The following LSP1 variants were observed in gnomAD, a reference collection of about 807,000 sequenced individuals.
LSP1 encodes the protein lymphocyte specific protein 1.
LSP1 carries 32 observed loss-of-function variants against 49.3 expected under a neutral mutation model. That is an observed-to-expected ratio of 0.65 (90% CI 0.49 to 0.87). The LOEUF is 0.87. Ranked by LOEUF, LSP1 falls within the 40% of genes least tolerant of loss-of-function variation. The pLI, the probability that LSP1 is intolerant of heterozygous loss-of-function variation, is 0.00. For synonymous variants in LSP1, 179 were observed against 178.8 expected (o/e 1.00, Z -0.01); for missense variants, 428 against 442.6 (o/e 0.97, Z 0.30).
chr11:1,884,164 C>T lies in LSP1; in HGVS notation c.592-116C>T, dbSNP rs1212544039. 47 of 1,450,536 alleles carry T rather than the reference C, an allele frequency of 3.2e-5. No homozygotes were observed. Among genetic ancestry groups the T allele is most frequent in the South Asian group, 5.8e-5 (5 of 86,764 alleles). 89.9% of individuals were successfully genotyped at this position (1,450,536 alleles called of 1,614,324 possible). ...TATCCCCCCATTGCCCGGTGCTCAG[C>T]GAACCCCCATGATATAAGGGTTGGG... On this transcript the variant is annotated intron_variant, in intron 5 of 10. Coordinates refer to ENST00000311604, the MANE Select transcript of LSP1 (RefSeq NM_002339.3). This position sits in a 1 kb window ranked among gnomAD's most constrained non-coding sequence, Gnocchi z 4.1.
intron 1 of LSP1, chr11:1,865,077 AG>A (rs1847742341): frequency 1.5e-5 from 6 of 406,660 alleles, no homozygotes; most frequent in African/African-American, 2.2e-5. Flanking sequence ...AGCTGGGCAC[AG>A]GGGGGCAGGG....
rs79692906 is a variant in LSP1, at chr11:1,857,823, C to T, written c.53+4626C>T. Among the ~76,000 whole-genome samples, 834 of 152,258 alleles carry T rather than the reference C, an allele frequency of 5.5e-3. 9 individuals are homozygous for T. Among genetic ancestry groups the T allele is most frequent in the African/African-American group, 0.019 (803 of 41,524 alleles). On this transcript the variant is annotated intron_variant, in intron 1 of 10. Coordinates refer to ENST00000311604, the MANE Select transcript of LSP1 (RefSeq NM_002339.3). ...AGACTGTAGTGCAGTGACACAATCT[C>T]GGCTCACTGGAACCTCCGCCCTCCA...
Position 1,881,426 on chromosome 11 carries a change from C to T in LSP1, c.192-6C>T, listed in dbSNP as rs759645267. ...CCAGGCCTAAGCTCCCCCCTGCTAC[C>T]CTCAGCCTCAGCCTGAAGCCCTCGG... is the stretch of plus-strand genomic sequence containing the variant. On this transcript the variant is annotated splice_polypyrimidine_tract_variant and splice_region_variant and intron_variant, in intron 2 of 10. Transcript: ENST00000311604. 73 of 1,564,136 alleles carry T rather than the reference C, an allele frequency of 4.7e-5. No homozygotes were observed. The highest frequency in any genetic ancestry group is 6.2e-5 in the Non-Finnish European group (71 of 1,153,888).
chr11:1,869,814 T>G (rs968248815), intron 1 of LSP1: 2 of 468,396 alleles, frequency 4.3e-6, no homozygotes, highest in Non-Finnish European at 4.4e-6. Context: ...GGGGGCTGGT[T>G]TTCCCCGAGA....
intron 1 of LSP1, among the ~76,000 whole-genome samples, chr11:1,879,275 G>T (rs1355555393): frequency 6.6e-6 from 1 of 152,186 alleles, no homozygotes; most frequent in Non-Finnish European, 1.5e-5. Context: ...AACCCAGGAG[G>T]CGGAGGTTGT....
intron 1 of LSP1, among the ~76,000 whole-genome samples, chr11:1,854,972 A>G (rs1847452106): frequency 6.6e-6 from 1 of 152,030 alleles, no homozygotes; most frequent in Non-Finnish European, 1.5e-5. Flanking sequence ...TGGCCAAGGC[A>G]CAGATGATCC....
chr11:1,874,170 G>A (rs1165631714), intron 1 of LSP1, among the ~76,000 whole-genome samples: 1 of 96,870 alleles, frequency 1.0e-5, no homozygotes, highest in Non-Finnish European at 2.2e-5. Flanking sequence ...GGGACAGTGG[G>A]AGCAGTGTCG....
Position 1,887,680 on chromosome 11 carries a change from A to G in LSP1, c.*13+104A>G, listed in dbSNP as rs113790154. 30 of 849,814 alleles carry G rather than the reference A, an allele frequency of 3.5e-5. 1 individual carries two copies. Among genetic ancestry groups the G allele is most frequent in the African/African-American group, 5.1e-5 (3 of 59,068 alleles). The allele number at this position is 849,814 out of a possible 1,614,324, so 52.6% of individuals were successfully genotyped here. On this transcript the variant is annotated intron_variant, in intron 10 of 10. Coordinates refer to ENST00000311604, the MANE Select transcript of LSP1 (RefSeq NM_002339.3). Reference sequence around the variant, plus strand: ...GCCTGGAGCCCTGTTGCAGGCTACAAGGGTGGACTCCGAGTTGGCCAGAAC... The same window carrying G: ...GCCTGGAGCCCTGTTGCAGGCTACAGGGGTGGACTCCGAGTTGGCCAGAAC...
chr11:1,871,123 G>A lies in LSP1; in HGVS notation c.54-8964G>A, dbSNP rs576898029. 18 of 985,552 alleles carry A rather than the reference G, an allele frequency of 1.8e-5. No homozygotes were observed. In the South Asian group the frequency reaches 1.9e-4, roughly 10 times the overall value. 61.1% of individuals were successfully genotyped at this position (985,552 alleles called of 1,614,324 possible). On this transcript the variant is annotated intron_variant, in intron 1 of 10. Transcript: ENST00000311604. ...CCAGAAAGGTCCCGCAGGTCGCCTC[G>A]CTCGTGGCACGGGCTCGGCAGCGTT...
intron 10 of LSP1, chr11:1,889,339 G>A (rs778750522): frequency 2.4e-5 from 17 of 710,924 alleles, no homozygotes; most frequent in Admixed American, 1.0e-4. Flanking sequence ...CCTGCCAGGC[G>A]CCCTTGGGCC....
chr11:1,867,256 G>A (rs190678795), intron 1 of LSP1, among the ~76,000 whole-genome samples: 155 of 152,244 alleles, frequency 1.0e-3, no homozygotes, highest in African/African-American at 3.6e-3. Context: ...CCACCAAGGT[G>A]AGCTACATGA....
intron 7 of LSP1, among the ~76,000 whole-genome samples, chr11:1,886,188 C>T (rs1409911909): frequency 1.6e-4 from 24 of 151,996 alleles, no homozygotes; most frequent in Non-Finnish European, 5.9e-5. Flanking sequence ...ATCCAATCAA[C>T]GTCGTTGCAT....
intron 1 of LSP1, among the ~76,000 whole-genome samples, chr11:1,878,628 A>T (rs936988106): frequency 6.6e-6 from 1 of 152,084 alleles, no homozygotes; most frequent in African/African-American, 2.4e-5. Flanking sequence ...AGATTAGATC[A>T]CGCGCTGGCA....
chr11:1,889,315 C>T (rs1589835091), intron 10 of LSP1: 1 of 707,670 alleles, frequency 1.4e-6, no homozygotes. Flanking sequence ...GGGGTGTGCT[C>T]CCCACCGCTG....
intron 1 of LSP1, among the ~76,000 whole-genome samples, chr11:1,853,613 C>T (rs548037620): frequency 2.0e-5 from 3 of 152,260 alleles, no homozygotes; most frequent in African/African-American, 7.2e-5. Context: ...CTGGCCCGGG[C>T]CTGGCCACCT....
intron 3 of LSP1, 63 bp from the exon 4 acceptor site, chr11:1,883,356 G>GGAA: frequency 1.3e-6 from 2 of 1,582,382 alleles, no homozygotes; most frequent in Non-Finnish European, 1.7e-6. Flanking sequence ...CTTGGAAAAA[G>GGAA]GAAGGGGTCA....
At chr11:1,871,197 G>T (rs542105460) in intron 1 of LSP1, 6 of 986,032 alleles carry the variant, frequency 6.1e-6, no homozygotes, top group Middle Eastern at 5.2e-4. Flanking sequence ...ACAGCACGCA[G>T]AACAGGAGGA....
chr11:1,873,969 G>A (rs113034891), intron 1 of LSP1, among the ~76,000 whole-genome samples: 14,408 of 37,436 alleles, frequency 0.38, 3,112 homozygotes, highest in South Asian at 0.49. Flanking sequence ...GGAGCCCGGC[G>A]GAGGAGGGAG....
intron 10 of LSP1, chr11:1,889,401 GA>G (rs1848891290): frequency 1.4e-6 from 1 of 693,156 alleles, no homozygotes. Context: ...GGAGGTCCGG[GA>G]GGCGGGGGCC....
Sources: gnomAD v4.1 joint callset for allele counts (sites outside exome capture counted in the v4.1 genomes callset) on GRCh38, gnomAD v4.1.1 for gene constraint, Gnocchi (gnomAD v3.1) non-coding constraint, MANE v1.5 for transcripts, NCBI Gene and HGNC (gene_info 2026-07-23, HGNC 2026-07-21) for gene names.